Variants in WDR90 observed in about 807,000 individuals in gnomAD.
WDR90 encodes the protein WD repeat-containing protein 90.
Under a neutral mutation model 195.2 loss-of-function variants are expected in WDR90, and 238 were observed. The observed-to-expected ratio is 1.22, with a 90% CI of 1.10 to 1.36. The LOEUF (loss-of-function observed/expected upper bound fraction) is 1.36, where lower values mean the gene tolerates loss of function less well. Among genes scored for constraint, WDR90 ranks in the 40% most tolerant of loss-of-function variants. The pLI is 0.00. For missense variants in WDR90, 2,734 were observed against 2,439.5 expected (o/e 1.12, Z -2.54); for synonymous variants, 1,265 against 1,052.4 (o/e 1.20, Z -3.91).
chr16:659,403 G>C (rs1475568102), intron 26 of WDR90, 27 bp downstream of exon 26: 4 of 1,580,404 alleles, frequency 2.5e-6, no homozygotes, highest in South Asian at 2.3e-5. Context: ...CTGGAGGAGT[G>C]GGGGGATTCG....
intron 13 of WDR90, 200 bp from the exon 14 acceptor site, chr16:654,829 C>A (rs559512962): frequency 6.7e-6 from 4 of 592,966 alleles, no homozygotes; most frequent in East Asian, 2.8e-5. Context: ...CTCAGCATTG[C>A]GGGTCTCTGT....
chr16:666,745 C>T lies in WDR90; in HGVS notation c.4957C>T (p.Pro1653Ser), dbSNP rs1213086276. 4 of 1,612,690 alleles carry T rather than the reference C, an allele frequency of 2.5e-6. No individual in the cohort carries two copies. Among genetic ancestry groups the T allele is most frequent in the Admixed American group, 1.7e-5 (1 of 59,994 alleles). Residue 1653 changes from proline (P) to serine (S), a missense_variant, in exon 39 of 41, where the codon CCC becomes TCC. Coordinates refer to ENST00000293879, the MANE Select transcript of WDR90 (RefSeq NM_145294.5). ...TGGGGCGCTCCTGATGTACGTGGGCCCCGGTGTTTACAAGGAGGTGATCAT... is the reference window on the plus strand; with the variant it reads ...TGGGGCGCTCCTGATGTACGTGGGCTCCGGTGTTTACAAGGAGGTGATCAT... Reference protein sequence around the residue: ...WDGALLMYVGPGVYKEVIIYN... With the variant: ...WDGALLMYVGSGVYKEVIIYN...
At chr16:652,355 A>C (rs1015033523) in intron 9 of WDR90, 112 bp from the exon 10 acceptor site, 2 of 1,252,168 alleles carry the variant, frequency 1.6e-6, no homozygotes, top group Middle Eastern at 2.0e-4. Context: ...GGACCAGGGC[A>C]GTCTTCTTGA....
Position 665,742 on chromosome 16 carries a change from G to A in WDR90, c.4375G>A (p.Val1459Met), listed in dbSNP as rs775613624. The A allele has an allele frequency of 6.2e-7, 1 of 1,610,670 alleles. No homozygotes were observed. Among genetic ancestry groups the A allele is most frequent in the South Asian group, 1.1e-5 (1 of 90,960 alleles). The change falls in exon 35 of 41, where the codon GTG becomes ATG. Residue 1459 changes from valine (V) to methionine (M), a missense_variant. Physicochemically the swap from Val to Met is conservative, Grantham distance 21. Coordinates refer to ENST00000293879, the MANE Select transcript of WDR90 (RefSeq NM_145294.5). Reference protein sequence around the residue: ...HCATCSEDGSVRVWALASMEL... With the variant: ...HCATCSEDGSMRVWALASMEL... ...CGCCACATGCAGTGAGGATGGGAGTGTGCGGGTGTGGGCCTTGGCCAGCAT... is the reference window on the plus strand; with the variant it reads ...CGCCACATGCAGTGAGGATGGGAGTATGCGGGTGTGGGCCTTGGCCAGCAT...
At chr16:660,891 T>C (rs1254907497) in intron 28 of WDR90, 160 bp from the exon 29 acceptor site, 5 of 740,254 alleles carry the variant, frequency 6.8e-6, no homozygotes, top group African/African-American at 3.7e-5. Context: ...GCACTTTGGC[T>C]ACTGGACGCT....
rs200231558 is a variant in WDR90, at chr16:667,622, G to T, written c.*33G>T. 6.2e-7 allele frequency: 1 copy of T among 1,600,296 alleles called. No homozygotes were observed. Among genetic ancestry groups the T allele is most frequent in the Non-Finnish European group, 8.5e-7 (1 of 1,179,510 alleles). ...CAGGGACTGTGGTGGTGGGCATCAC[G>T]CCTGGTCATGCCAGGCACCTGGACA... On this transcript the variant is annotated 3_prime_UTR_variant, in exon 41 of 41. Transcript: ENST00000293879.
In WDR90 at chr16:657,227, G is replaced by A. The variant is rs969388680; in HGVS notation, c.2473+6G>A. The A allele has an allele frequency of 1.3e-6, 2 of 1,537,548 alleles. No homozygotes were observed. Among genetic ancestry groups the A allele is most frequent in the Non-Finnish European group, 1.8e-6 (2 of 1,139,594 alleles). On this transcript the variant is annotated splice_donor_region_variant and intron_variant, in intron 20 of 40. Coordinates refer to ENST00000293879, the MANE Select transcript of WDR90 (RefSeq NM_145294.5). ...GCATGTCCTCCGAGTGGCAGGTTGG[G>A]CCCCCTGCAGCCACTCTGGGGGACT...
intron 28 of WDR90, 94 bp from the exon 29 acceptor site, chr16:660,957 C>CCCCCCCCGCCCGGACT (rs1567220470): frequency 2.7e-6 from 1 of 376,856 alleles, no homozygotes; most frequent in Non-Finnish European, 3.2e-6. Flanking sequence ...ACGGCTCGGC[C>CCCCCCCCGCCCGGACT]CAGGCCCCGC....
At position 655,065 on chromosome 16, in the gene WDR90, G is replaced by C. The variant is rs766670247; in HGVS notation, c.1474G>C (p.Gly492Arg). The C allele has an allele frequency of 6.2e-7, 1 of 1,612,738 alleles. No individual in the cohort carries two copies. Among genetic ancestry groups the C allele is most frequent in the Non-Finnish European group, 8.5e-7 (1 of 1,179,856 alleles). ...VAWGTGQVGL[G>R]GEVVVLAKAH... Reference sequence around the variant, plus strand: ...CTGGGGCACCGGCCAGGTGGGCCTCGGTGGCGAGGTGGTCGTTCTGGCAAA... The same window carrying C: ...CTGGGGCACCGGCCAGGTGGGCCTCCGTGGCGAGGTGGTCGTTCTGGCAAA... Residue 492 changes from glycine (G) to arginine (R), a missense_variant, in exon 14 of 41, where the codon GGT becomes CGT. Transcript: ENST00000293879.
chr16:665,746 G>A lies in WDR90; in HGVS notation c.4379G>A (p.Arg1460Gln), dbSNP rs774502577. 20 of 1,609,720 alleles carry A rather than the reference G, an allele frequency of 1.2e-5. No homozygotes were observed. Among genetic ancestry groups the A allele is most frequent in the South Asian group, 2.2e-5 (2 of 90,900 alleles). ...CATCSEDGSV[R>Q]VWALASMELV... ...ACATGCAGTGAGGATGGGAGTGTGC[G>A]GGTGTGGGCCTTGGCCAGCATGGAG... The change falls in exon 35 of 41, where the codon CGG (arginine) becomes CAG (glutamine). Residue 1460 changes from arginine (R) to glutamine (Q), a missense_variant. Coordinates refer to ENST00000293879, the MANE Select transcript of WDR90 (RefSeq NM_145294.5).
intron 28 of WDR90, 44 bp from the exon 29 acceptor site, chr16:660,990 GCCCCTCCCCGCCCCCCC>G (rs1186473066): frequency 1.8e-4 from 4 of 21,756 alleles, no homozygotes; most frequent in African/African-American, 1.4e-3. Flanking sequence ...CCCTCCCCAG[GCCCCTCCCCGCCCCCCC>G]CCCCCCCCGG....
chr16:652,289 G>A, intron 9 of WDR90, 178 bp from the exon 10 acceptor site: 1 of 834,594 alleles, frequency 1.2e-6, no homozygotes, highest in East Asian at 2.7e-5. Context: ...TCGAAGGTCT[G>A]GCAGTGCAAC....
At position 667,446 on chromosome 16, in the gene WDR90, C is replaced by T. The variant is rs903144695; in HGVS notation, c.5104C>T (p.Leu1702=). Residue 1702 remains leucine, a synonymous_variant, in exon 41 of 41, where the codon CTG becomes TTG. Coordinates refer to ENST00000293879, the MANE Select transcript of WDR90 (RefSeq NM_145294.5). ...TCTACCCACAGAGTGCATGCTGAGGCTGGTAGACTGTGCCATGGGGACTGC... is the reference window on the plus strand; with the variant it reads ...TCTACCCACAGAGTGCATGCTGAGGTTGGTAGACTGTGCCATGGGGACTGC... ...AVGFAECMLR[L]VDCAMGTAQD... 6.2e-7 allele frequency: 1 copy of T among 1,602,822 alleles called. No individual in the cohort carries two copies. The highest frequency in any genetic ancestry group is 8.5e-7 in the Non-Finnish European group (1 of 1,172,286).
At chr16:662,870 G>A in intron 34 of WDR90, 26 bp downstream of exon 34, 1 of 1,538,490 alleles carries the variant, frequency 6.5e-7, no homozygotes, top group South Asian at 1.2e-5. Flanking sequence ...CCTGGGCAGA[G>A]GCGGGGCAGC....
chr16:660,957 C>CCCCGCCCGGCCT lies in WDR90; in HGVS notation c.3392-93_3392-92insCCGCCCGGCCTC. On this transcript the variant is annotated intron_variant, in intron 28 of 40. Transcript: ENST00000293879. ...CCTTGGCCCCGCCCCACGGCTCGGC[C>CCCCGCCCGGCCT]CAGGCCCCGCCCCCTGTTCGGCCCC... 1.1e-5 allele frequency: 4 copies of CCCCGCCCGGCCT among 379,744 alleles called. No individual in the cohort carries two copies. In the South Asian group the frequency reaches 2.6e-4, roughly 24 times the overall value. The allele number at this position is 379,744 out of a possible 1,614,324, so 23.5% of individuals were successfully genotyped here.
chr16:650,668 T>G lies in WDR90; in HGVS notation c.518T>G (p.Leu173Arg). The G allele has an allele frequency of 2.5e-6, 4 of 1,612,608 alleles. No homozygotes were observed. The highest frequency in any genetic ancestry group is 3.4e-6 in the Non-Finnish European group (4 of 1,179,754). Residue 173 changes from leucine (L) to arginine (R), a missense_variant, in exon 5 of 41, where the codon CTG (leucine) becomes CGG (arginine). Leu to Arg is a moderately radical substitution (Grantham distance 102). Transcript: ENST00000293879. ...AGCATCAGGCTGTGCGCCAGCCTGCTGGTCAGGAACCTGTACACCAGTGAC... is the reference window on the plus strand; with the variant it reads ...AGCATCAGGCTGTGCGCCAGCCTGCGGGTCAGGAACCTGTACACCAGTGAC... ...LKSIRLCASLLVRNLYTSDLC... is the reference protein window; with the variant it reads ...LKSIRLCASLRVRNLYTSDLC...
chr16:652,510 G>T lies in WDR90; in HGVS notation c.1097G>T (p.Gly366Val), dbSNP rs146734979. The T allele has an allele frequency of 6.2e-7, 1 of 1,610,264 alleles. No homozygotes were observed. Among genetic ancestry groups the T allele is most frequent in the Non-Finnish European group, 8.5e-7 (1 of 1,178,204 alleles). ...GTCCTGAGGCTCAAGGGCGTCATCG[G>T]CTTTGGGGGCCACGGCACCAGACAG... ...DPVLRLKGVI[G>V]FGGHGTRQAL... Residue 366 changes from glycine (G) to valine (V), a missense_variant, in exon 10 of 41, where the codon GGC (glycine) becomes GTC (valine). Physicochemically the swap from Gly to Val is moderately radical, Grantham distance 109. Transcript: ENST00000293879.
intron 6 of WDR90, 44 bp downstream of exon 6, chr16:651,147 G>A: frequency 1.2e-6 from 2 of 1,613,022 alleles, no homozygotes; most frequent in Non-Finnish European, 1.7e-6. Context: ...GGTGGTGGGA[G>A]GGTGGGTGGC....
chr16:667,621 C>A lies in WDR90; in HGVS notation c.*32C>A, dbSNP rs762251848. 1 of 1,601,254 alleles carries A rather than the reference C, an allele frequency of 6.2e-7. No individual in the cohort carries two copies. On this transcript the variant is annotated 3_prime_UTR_variant, in exon 41 of 41. Transcript: ENST00000293879. The stretch of plus-strand genomic sequence containing the variant: ...GCAGGGACTGTGGTGGTGGGCATCA[C>A]GCCTGGTCATGCCAGGCACCTGGAC...
Sources: allele counts gnomAD v4.1 joint callset, GRCh38; gene constraint gnomAD v4.1.1; transcripts MANE v1.5; gene names NCBI Gene and HGNC (gene_info 2026-07-23, HGNC 2026-07-21).